LYN: variants seen among roughly 807,000 people sequenced by gnomAD.
LYN encodes the protein LYN proto-oncogene, Src family tyrosine kinase.
Under a neutral mutation model 65.0 loss-of-function variants are expected in LYN, and 12 were observed. The observed-to-expected ratio is 0.18, with a 90% CI of 0.12 to 0.30. The LOEUF (loss-of-function observed/expected upper bound fraction) is 0.30. LYN is among the 10% of genes least tolerant of loss of function. LYN has a pLI of 1.00. For missense variants in LYN, 380 were observed against 623.2 expected (o/e 0.61, Z 4.16); for synonymous variants, 222 against 221.2 (o/e 1.00, Z -0.03).
chr8:55,953,411 C>T (rs1807009467), intron 7 of LYN, among the ~76,000 whole-genome samples: 1 of 152,044 alleles, frequency 6.6e-6, no homozygotes, highest in Admixed American at 6.6e-5. Context: ...TTTTGGGAGG[C>T]CGAGGCGGGT....
chr8:55,909,038 C>T (rs958949003), intron 1 of LYN, among the ~76,000 whole-genome samples: 4,409 of 64,084 alleles, frequency 0.069, 529 homozygotes, highest in African/African-American at 0.19. Flanking sequence ...CACACACACA[C>T]ACACACACAC....
At chr8:55,925,133 T>C (rs1044034248) in intron 1 of LYN, among the ~76,000 whole-genome samples, 1 of 152,094 alleles carries the variant, frequency 6.6e-6, no homozygotes, top group Non-Finnish European at 1.5e-5. Context: ...TCTTTTTTTG[T>C]TTGTTTTGAG....
intron 12 of LYN, among the ~76,000 whole-genome samples, chr8:56,002,604 AAAATTAAATTAAATTAAATT>A (rs56143558): frequency 8.3e-5 from 12 of 145,162 alleles, no homozygotes; most frequent in South Asian, 2.1e-4. Context: ...CTCCATCTCA[AAAATTAAATTAAATTAAATT>A]AAATTAAATT....
chr8:55,968,171 T>A (rs1368044184), intron 9 of LYN, among the ~76,000 whole-genome samples: 1 of 152,162 alleles, frequency 6.6e-6, no homozygotes, highest in Non-Finnish European at 1.5e-5. Flanking sequence ...AGGAGTTCAG[T>A]AAATATTGTT....
rs1358772227 is a variant in LYN at position 56,011,244 on chromosome 8, G to A, written c.*1134G>A. 1 of 226,584 alleles carries A rather than the reference G, an allele frequency of 4.4e-6. No individual in the cohort carries two copies. 14.0% of individuals were successfully genotyped at this position (226,584 alleles called of 1,614,324 possible). On this transcript the variant is annotated 3_prime_UTR_variant, in exon 13 of 13. Transcript: ENST00000519728. ...GCCACGGTGGCAGGAGGTTCAAGCG[G>A]TTCTGTTCACTAAATTTTTCTCCTG...
At chr8:55,997,060 C>T (rs1192469996) in intron 10 of LYN, among the ~76,000 whole-genome samples, 1 of 151,502 alleles carries the variant, frequency 6.6e-6, no homozygotes, top group East Asian at 1.9e-4. Flanking sequence ...ACTCGGGAGG[C>T]TGAGGAAGGA....
intron 9 of LYN, among the ~76,000 whole-genome samples, chr8:55,968,485 G>A (rs984217625): frequency 2.0e-5 from 3 of 152,146 alleles, no homozygotes; most frequent in Non-Finnish European, 4.4e-5. Flanking sequence ...TTAAACTCCC[G>A]ACCTCAGGTG....
At chr8:55,885,542 G>C (rs1804768393) in intron 1 of LYN, among the ~76,000 whole-genome samples, 1 of 152,150 alleles carries the variant, frequency 6.6e-6, no homozygotes, top group Non-Finnish European at 1.5e-5. Context: ...GCCTACCCTT[G>C]GGCGCTGGTA....
At chr8:55,905,369 A>G (rs1805390222) in intron 1 of LYN, among the ~76,000 whole-genome samples, 1 of 152,020 alleles carries the variant, frequency 6.6e-6, no homozygotes, top group Non-Finnish European at 1.5e-5. Flanking sequence ...CGATAGTGCC[A>G]TTGCACTCCA....
chr8:55,961,154 A>G (rs986012699), intron 8 of LYN, among the ~76,000 whole-genome samples: 1 of 152,164 alleles, frequency 6.6e-6, no homozygotes, highest in Non-Finnish European at 1.5e-5. Flanking sequence ...TGCATTTTTT[A>G]AAAACCACTC....
intron 1 of LYN, among the ~76,000 whole-genome samples, chr8:55,926,331 T>C (rs1806110026): frequency 1.3e-5 from 2 of 152,240 alleles, no homozygotes; most frequent in Admixed American, 1.3e-4. Flanking sequence ...GAGCAATGGT[T>C]CTGCAGGATT....
chr8:55,953,580 G>A (rs764807758), intron 7 of LYN, among the ~76,000 whole-genome samples: 11 of 152,136 alleles, frequency 7.2e-5, no homozygotes, highest in East Asian at 1.9e-4. Context: ...CCCAGGAGGC[G>A]GAGGTTGCAG....
intron 1 of LYN, among the ~76,000 whole-genome samples, chr8:55,922,765 CAA>C (rs575010862): frequency 7.3e-6 from 1 of 136,458 alleles, no homozygotes. Flanking sequence ...GAAATTCCAT[CAA>C]AAAAAAAAAA....
At chr8:56,005,338 A>C (rs922307901) in intron 12 of LYN, among the ~76,000 whole-genome samples, 11 of 152,132 alleles carry the variant, frequency 7.2e-5, no homozygotes, top group African/African-American at 2.7e-4. Context: ...TCCATACCAC[A>C]CTTTCCCCAC....
chr8:55,918,211 A>G (rs989909995), intron 1 of LYN, among the ~76,000 whole-genome samples: 1 of 152,162 alleles, frequency 6.6e-6, no homozygotes, highest in Non-Finnish European at 1.5e-5. Context: ...TTCCTTCCAC[A>G]AGGCCTCAGT....
At chr8:55,970,713 A>C (rs1256377104) in intron 10 of LYN, among the ~76,000 whole-genome samples, 1 of 151,900 alleles carries the variant, frequency 6.6e-6, no homozygotes, top group Non-Finnish European at 1.5e-5. Flanking sequence ...GAAGCACCTC[A>C]CCTAAGGTAG....
intron 10 of LYN, among the ~76,000 whole-genome samples, chr8:55,971,131 G>T (rs1033862264): frequency 3.9e-5 from 6 of 152,214 alleles, no homozygotes; most frequent in African/African-American, 1.4e-4. Context: ...GGAAATTCAA[G>T]TGTGCCCTGA....
intron 6 of LYN, among the ~76,000 whole-genome samples, chr8:55,951,245 T>G (rs1806938201): frequency 6.8e-6 from 1 of 147,672 alleles, no homozygotes; most frequent in South Asian, 2.1e-4. Flanking sequence ...AGGCACTGTC[T>G]CAAAAAAAAA....
At chr8:55,994,055 T>A (rs564815567) in intron 10 of LYN, among the ~76,000 whole-genome samples, 5 of 152,004 alleles carry the variant, frequency 3.3e-5, no homozygotes, top group Non-Finnish European at 7.4e-5. Flanking sequence ...GCCAAAGGAG[T>A]CTCTGATTTC....
Sources: allele counts gnomAD v4.1 joint callset (sites outside exome capture counted in the v4.1 genomes callset), GRCh38; gene constraint gnomAD v4.1.1; transcripts MANE v1.5; gene names NCBI Gene and HGNC (gene_info 2026-07-23, HGNC 2026-07-21).